The following MCF2L variants were observed in gnomAD, a reference collection of about 807,000 sequenced individuals.
MCF2L encodes the protein MCF.2 cell line derived transforming sequence like, also known as guanine nucleotide exchange factor DBS.
MCF2L carries 97 observed loss-of-function variants against 153.4 expected under a neutral mutation model. The observed-to-expected ratio is 0.63, with a 90% CI of 0.54 to 0.75. The LOEUF is 0.75. Ranked by LOEUF, MCF2L falls within the 30% of genes least tolerant of loss-of-function variation. MCF2L has a pLI of 0.00. For missense variants in MCF2L, 1,347 were observed against 1,495.2 expected (o/e 0.90, Z 1.64); for synonymous variants, 659 against 632.2 (o/e 1.04, Z -0.64).
intron 13 of MCF2L, among the ~76,000 whole-genome samples, chr13:113,077,590 T>C (rs1168117868): frequency 6.6e-6 from 1 of 152,082 alleles, no homozygotes; most frequent in Non-Finnish European, 1.5e-5. Flanking sequence ...CTCTCCACGG[T>C]CTGTCCTTTC....
At chr13:113,034,572 A>G (rs2086016478) in intron 3 of MCF2L, among the ~76,000 whole-genome samples, 1 of 147,204 alleles carries the variant, frequency 6.8e-6, no homozygotes, top group East Asian at 2.0e-4. Context: ...CCTCGCCCTC[A>G]CCTTCTCCCT....
At chr13:113,073,601 A>G (rs1046051371) in intron 9 of MCF2L, among the ~76,000 whole-genome samples, 1 of 152,210 alleles carries the variant, frequency 6.6e-6, no homozygotes, top group African/African-American at 2.4e-5. Flanking sequence ...TTTGTATTTA[A>G]AGGAATAAGT....
intron 4 of MCF2L, among the ~76,000 whole-genome samples, chr13:113,059,258 G>A (rs1555378212): frequency 2.0e-5 from 3 of 152,244 alleles, no homozygotes; most frequent in South Asian, 2.1e-4. Flanking sequence ...CTTGGCCCAC[G>A]CCCCACGCGT....
chr13:112,968,757 T>C, upstream of MCF2L: 2 of 1,377,528 alleles, frequency 1.5e-6, no homozygotes, highest in South Asian at 1.7e-5. Context: ...CGGAGGCAGC[T>C]GCACTCGCTC....
At chr13:112,946,706 T>C (rs2081640576) in intron 2 of MCF2L, among the ~76,000 whole-genome samples, 1 of 152,134 alleles carries the variant, frequency 6.6e-6, no homozygotes, top group Non-Finnish European at 1.5e-5. Context: ...GAATAAAGGG[T>C]GTATTTAGGA....
chr13:112,968,925 T>TCTAGGTGACCTGTGTGATACA, upstream of MCF2L: 1 of 550,538 alleles, frequency 1.8e-6, no homozygotes, highest in South Asian at 3.0e-5. Flanking sequence ...GACACGAATT[T>TCTAGGTGACCTGTGTGATACA]CTAGGTGACC....
At position 113,064,908 on chromosome 13, in the gene MCF2L, A is replaced by G. The variant is rs1290438668; in HGVS notation, c.607-28A>G. ...AGGAGGTGGGTGCAGTGCACAAGGC[A>G]TGCAATTGTGTTTTCTCTGTCCCCA... On this transcript the variant is annotated intron_variant, in intron 6 of 29. Coordinates refer to ENST00000535094, the MANE Select transcript of MCF2L (RefSeq NM_001112732.3). This position sits in a 1 kb window ranked among gnomAD's most constrained non-coding sequence, Gnocchi z 6.0. 1 of 1,602,102 alleles carries G rather than the reference A, an allele frequency of 6.2e-7. No individual in the cohort carries two copies. The highest frequency in any genetic ancestry group is 8.5e-7 in the Non-Finnish European group (1 of 1,173,770).
Position 112,943,515 on chromosome 13 carries a change from C to CA in MCF2L, c.169+41144_169+41145insA. Among the ~76,000 whole-genome samples the CA allele has an allele frequency of 6.6e-6, 1 of 152,136 alleles. No individual in the cohort carries two copies. The highest frequency in any genetic ancestry group is 2.4e-5 in the African/African-American group (1 of 41,554). ...TTGAGAGACGGGCCGCTCTTCCCGG[C>CA]GCGGTGCCTTCCAGGGAGGCTGCGC... On this transcript the variant is annotated intron_variant, in intron 2 of 29. Transcript: ENST00000375608. The surrounding 1 kb of genome is among the most constrained non-coding windows in gnomAD (Gnocchi z 4.2).
intron 2 of MCF2L, among the ~76,000 whole-genome samples, chr13:112,953,739 C>T (rs1454961660): frequency 6.6e-6 from 1 of 152,226 alleles, no homozygotes; most frequent in African/African-American, 2.4e-5. Context: ...CGTCAGAGCC[C>T]TCCCTGCCCA....
rs72661908 is a variant in MCF2L at position 112,918,842 on chromosome 13, G to A, written c.169+16471G>A. On this transcript the variant is annotated intron_variant, in intron 2 of 29. Coordinates refer to the MCF2L transcript ENST00000375608. ...AGCATCGGCCCAGACTTTCACGAGCGGGGTCCCATTTTCCCAGTGCAGGAG... is the reference window on the plus strand; with the variant it reads ...AGCATCGGCCCAGACTTTCACGAGCAGGGTCCCATTTTCCCAGTGCAGGAG... 6.0e-3 allele frequency among the ~76,000 whole-genome samples: 916 copies of A among 152,282 alleles called. 4 individuals are homozygous for A. Among genetic ancestry groups the A allele is most frequent in the Non-Finnish European group, 0.01 (710 of 68,012 alleles).
chr13:112,933,373 C>G (rs2081483352), intron 2 of MCF2L, among the ~76,000 whole-genome samples: 3 of 152,244 alleles, frequency 2.0e-5, no homozygotes, highest in African/African-American at 4.8e-5. Flanking sequence ...CTGTCACCAG[C>G]CCTGCATCTG....
Position 113,014,807 on chromosome 13 carries a change from A to G in MCF2L, c.124A>G (p.Ile42Val). Residue 42 changes from isoleucine (I) to valine (V), a missense_variant, in exon 2 of 30, where the codon ATC becomes GTC. By Grantham distance (29) the Ile-to-Val change is conservative. Transcript: ENST00000535094. The stretch of plus-strand genomic sequence containing the variant: ...CATCGTCCCGCTCTGTGCTGCCGAC[A>G]TCCAGGACCAGCTAAAGAAGCGCTT... Reference protein sequence around the residue: ...QDIVPLCAADIQDQLKKRFAY... With the variant: ...QDIVPLCAADVQDQLKKRFAY... The G allele has an allele frequency of 1.2e-6, 2 of 1,614,086 alleles. No homozygotes were observed. The highest frequency in any genetic ancestry group is 1.7e-6 in the Non-Finnish European group (2 of 1,180,018).
intron 2 of MCF2L, among the ~76,000 whole-genome samples, chr13:112,916,681 C>T (rs2993334): frequency 0.29 from 43,316 of 151,960 alleles, 6,311 homozygotes; most frequent in South Asian, 0.41. Context: ...ACCGGGCAGA[C>T]GGTGTTGATC....
chr13:113,057,579 G>C (rs1566816187), intron 4 of MCF2L, among the ~76,000 whole-genome samples: 1 of 147,792 alleles, frequency 6.8e-6, no homozygotes, highest in Non-Finnish European at 1.5e-5. Flanking sequence ...CTGTGTGTTT[G>C]AGTGGTGTGT....
intron 13 of MCF2L, among the ~76,000 whole-genome samples, chr13:113,077,515 G>A (rs1272900971): frequency 6.6e-6 from 1 of 152,174 alleles, no homozygotes; most frequent in Non-Finnish European, 1.5e-5. Flanking sequence ...TGAAGCCCAC[G>A]TGGCCCAAAA....
chr13:112,898,693 T>A (rs1423502134), intron 1 of MCF2L, among the ~76,000 whole-genome samples: 1 of 152,106 alleles, frequency 6.6e-6, no homozygotes, highest in Non-Finnish European at 1.5e-5. Context: ...CTATTCAGGC[T>A]AGAAGCCCAG....
At chr13:113,090,962 C>T in intron 26 of MCF2L, 1 of 1,216,424 alleles carries the variant, frequency 8.2e-7, no homozygotes, top group Non-Finnish European at 1.0e-6. Context: ...CCCTCGGCTC[C>T]CTGTGTTTTG....
chr13:113,022,599 T>C (rs1391741148), intron 2 of MCF2L, among the ~76,000 whole-genome samples: 1 of 152,266 alleles, frequency 6.6e-6, no homozygotes, highest in Non-Finnish European at 1.5e-5. Context: ...TGCGGCCGTT[T>C]CCACAATCCA....
chr13:113,044,536 G>T lies in MCF2L; in HGVS notation c.279-735G>T. On this transcript the variant is annotated intron_variant, in intron 3 of 29. Coordinates refer to ENST00000535094, the MANE Select transcript of MCF2L (RefSeq NM_001112732.3). ...TCTAGCCCCTGCCTTAGGCATGCCC[G>T]TGTGGTTGTTTCTGCTTTGGATTGG... is the stretch of plus-strand genomic sequence containing the variant. 5 of 1,245,224 alleles carry T rather than the reference G, an allele frequency of 4.0e-6. No individual in the cohort carries two copies. The South Asian group carries it at 5.4e-5, about 14-fold the overall frequency. 77.1% of individuals were successfully genotyped at this position (1,245,224 alleles called of 1,614,324 possible).
Sources: gnomAD v4.1 joint callset for allele counts (sites outside exome capture counted in the v4.1 genomes callset) on GRCh38, gnomAD v4.1.1 for gene constraint, Gnocchi (gnomAD v3.1) non-coding constraint, MANE v1.5 for transcripts, NCBI Gene and HGNC (gene_info 2026-07-23, HGNC 2026-07-21) for gene names.